COX6B2: variants seen among roughly 807,000 people sequenced by gnomAD.
COX6B2 encodes the protein COX VIb-2.
COX6B2 carries 12 observed loss-of-function variants against 13.7 expected under a neutral mutation model. The ratio of observed to expected loss-of-function variants is 0.87; its 90% CI spans 0.56 to 1.41. The LOEUF is 1.41. Ranked by LOEUF, COX6B2 falls within the 40% of genes most tolerant of loss-of-function variation. COX6B2 has a pLI of 0.00. For missense variants in COX6B2, 130 were observed against 118.3 expected (o/e 1.10, Z -0.46); for synonymous variants, 56 against 46.6 (o/e 1.20, Z -0.82).
At chr19:55,353,420 G>A (rs986086774) in intron 4 of COX6B2, 187 bp downstream of exon 4, 12 of 503,546 alleles carry the variant, frequency 2.4e-5, no homozygotes, top group Non-Finnish European at 3.2e-5. Flanking sequence ...GAAGGGGGAC[G>A]GGAGGCATTC....
At position 55,354,472 on chromosome 19, in the gene COX6B2, G is replaced by A. The variant is rs754296563; in HGVS notation, c.50C>T (p.Pro17Leu). Residue 17 changes from proline to leucine, a missense_variant, in exon 2 of 5, where the codon CCG becomes CTG. Physicochemically the swap from Pro to Leu is moderately conservative, Grantham distance 98 (BLOSUM62 -3). Coordinates refer to ENST00000326529, the MANE Select transcript of COX6B2 (RefSeq NM_144613.5). ...GCTGGGGAAGCGCGGGTCGAAGGGC[G>A]GCGTCGACCATTTCCCCTTGGGGGG... ...QEPPKGKWST[P>L]PFDPRFPSQN... 5 of 1,613,996 alleles carry A rather than the reference G, an allele frequency of 3.1e-6. No homozygotes were observed. The highest frequency in any genetic ancestry group is 2.2e-5 in the South Asian group (2 of 91,078).
At position 55,353,416 on chromosome 19, in the gene COX6B2, G is replaced by A. The variant is rs45488296; in HGVS notation, c.*114+191C>T. On this transcript the variant is annotated intron_variant, in intron 4 of 4. Transcript: ENST00000326529. ...CTGCTGGAATGGAGAGGGAGAAGGG[G>A]GACGGGAGGCATTCGGCTTCCTGTC... The A allele has an allele frequency of 1.1e-3, 567 of 498,136 alleles. 1 individual carries two copies. The highest frequency in any genetic ancestry group is 1.8e-3 in the Non-Finnish European group (484 of 275,822). 30.9% of individuals were successfully genotyped at this position (498,136 alleles called of 1,614,324 possible).
rs929297032 is a variant in COX6B2, at chr19:55,349,926, G to C, written c.*989C>G. ...GCAGATTGCCTGAGGTCAGGAGTTT[G>C]AGACCAGCCTGACCAACACGGAGAA... is the stretch of plus-strand genomic sequence containing the variant. On this transcript the variant is annotated 3_prime_UTR_variant, in exon 5 of 5. Transcript: ENST00000326529. 6.6e-6 allele frequency: 1 copy of C among 152,082 alleles called. No homozygotes were observed. The highest frequency in any genetic ancestry group is 2.4e-5 in the African/African-American group (1 of 41,394). 9.4% of individuals were successfully genotyped at this position (152,082 alleles called of 1,614,324 possible). A position where few individuals can be genotyped will look rare whatever the true frequency, so the allele number is the denominator to read the frequency against.
Position 55,352,313 on chromosome 19 carries a change from A to G in COX6B2, c.*114+1294T>C, listed in dbSNP as rs112022805. ...GTGGCGTCATCCTGGGGGATGGCTC[A>G]TCTAGGGTGTGTCCTGGGCAGCATG... On this transcript the variant is annotated intron_variant, in intron 4 of 4. Coordinates refer to ENST00000326529, the MANE Select transcript of COX6B2 (RefSeq NM_144613.5). This position sits in a 1 kb window ranked among gnomAD's most constrained non-coding sequence, Gnocchi z 6.2. 4.6e-5 allele frequency: 7 copies of G among 152,396 alleles called. No homozygotes were observed. Among genetic ancestry groups the G allele is most frequent in the African/African-American group, 1.4e-4 (6 of 41,540 alleles). The allele number at this position is 152,396 out of a possible 1,614,324, so 9.4% of individuals were successfully genotyped here.
chr19:55,353,475 A>T, intron 4 of COX6B2, 132 bp downstream of exon 4: 1 of 582,114 alleles, frequency 1.7e-6, no homozygotes, highest in Non-Finnish European at 3.1e-6. Flanking sequence ...TACCTGATGG[A>T]GCAGCAGTCC....
chr19:55,354,281 C>A, intron 2 of COX6B2, 129 bp downstream of exon 2: 1 of 838,070 alleles, frequency 1.2e-6, no homozygotes, highest in Non-Finnish European at 2.0e-6. Flanking sequence ...CCAGGCCCCG[C>A]CCCCACCAAC....
intron 2 of COX6B2, 31 bp downstream of exon 2, chr19:55,354,379 T>A: frequency 6.5e-7 from 1 of 1,531,912 alleles, no homozygotes; most frequent in East Asian, 2.3e-5. Context: ...CACACCCTGC[T>A]CCTCCCATAA....
At chr19:55,354,584 G>A in intron 1 of COX6B2, 45 bp from the exon 2 acceptor site, 1 of 1,240,968 alleles carries the variant, frequency 8.1e-7, no homozygotes, top group Non-Finnish European at 1.2e-6. Context: ...CCGAGGGGGC[G>A]CCCTCGCTCC....
chr19:55,354,529 G>C lies in COX6B2; in HGVS notation c.-8C>G, dbSNP rs199913551. The C allele has an allele frequency of 3.5e-4, 559 of 1,600,528 alleles. 8 individuals carry two copies. In the East Asian group the frequency reaches 0.012, roughly 35 times the overall value. On this transcript the variant is annotated 5_prime_UTR_variant, in exon 2 of 5. Coordinates refer to ENST00000326529, the MANE Select transcript of COX6B2 (RefSeq NM_144613.5). ...GGCTTCCACATCCAACATCCACGAAGGAGGCAACTCCTGCGAGACGGGACG... is the reference window on the plus strand; with the variant it reads ...GGCTTCCACATCCAACATCCACGAACGAGGCAACTCCTGCGAGACGGGACG...
chr19:55,353,523 G>T, intron 4 of COX6B2, 84 bp downstream of exon 4: 1 of 621,092 alleles, frequency 1.6e-6, no homozygotes, highest in South Asian at 2.0e-5. Context: ...GCGTTAGCCC[G>T]GACACAGGCA....
chr19:55,351,285 G>A (rs993061931), intron 4 of COX6B2, among the ~76,000 whole-genome samples: 1 of 152,218 alleles, frequency 6.6e-6, no homozygotes, highest in Non-Finnish European at 1.5e-5. Context: ...ACAGCGCAGA[G>A]GGGCTAGGGA....
Position 55,352,520 on chromosome 19 carries a change from T to G in COX6B2, c.*114+1087A>C, listed in dbSNP as rs2089676197. ...GGGTCACCCTGCAAGTTGTCATGAT[T>G]AGTTGTAGTCACCTTTGAACCCTGG... On this transcript the variant is annotated intron_variant, in intron 4 of 4. Transcript: ENST00000326529. The surrounding 1 kb of genome is among the most constrained non-coding windows in gnomAD (Gnocchi z 6.2). 1 of 152,076 alleles carries G rather than the reference T, an allele frequency of 6.6e-6. No individual in the cohort carries two copies. Among genetic ancestry groups the G allele is most frequent in the Non-Finnish European group, 1.5e-5 (1 of 67,972 alleles). The allele number at this position is 152,076 out of a possible 1,614,324, so 9.4% of individuals were successfully genotyped here.
In COX6B2 at chr19:55,351,420, G is replaced by A. The variant is rs374413772; in HGVS notation, c.*115-620C>T. 5.3e-5 allele frequency among the ~76,000 whole-genome samples: 8 copies of A among 152,220 alleles called. No homozygotes were observed. In the East Asian group the frequency reaches 5.8e-4, roughly 11 times the overall value. ...ACCCAGAGAGAGGAGGCGAAGCTGC[G>A]GCCCCTAGGAGCCAGGGGACAGTGA... On this transcript the variant is annotated intron_variant, in intron 4 of 4. Coordinates refer to ENST00000326529, the MANE Select transcript of COX6B2 (RefSeq NM_144613.5).
Position 55,350,362 on chromosome 19 carries a change from G to A in COX6B2, c.*553C>T, listed in dbSNP as rs965408115. The A allele has an allele frequency of 6.6e-6, 1 of 152,492 alleles. No homozygotes were observed. The highest frequency in any genetic ancestry group is 3.4e-3 in the Middle Eastern group (1 of 298). 9.4% of individuals were successfully genotyped at this position (152,492 alleles called of 1,614,324 possible). A position where few individuals can be genotyped will look rare whatever the true frequency, so the allele number is the denominator to read the frequency against. On this transcript the variant is annotated 3_prime_UTR_variant, in exon 5 of 5. Coordinates refer to ENST00000326529, the MANE Select transcript of COX6B2 (RefSeq NM_144613.5). The surrounding 1 kb of genome is among the most constrained non-coding windows in gnomAD (Gnocchi z 4.2). ...GCCTGATGTCCCCATGGCGGCCAAA[G>A]TCAGCTTCTGGCTTGAGCTGGGCAG...
intron 1 of COX6B2, 23 bp downstream of exon 1, chr19:55,354,627 A>C (rs1378036467): frequency 2.6e-6 from 2 of 783,078 alleles, no homozygotes; most frequent in Non-Finnish European, 4.2e-6. Flanking sequence ...CCCGCCCCTG[A>C]ACCCCACCCG....
At chr19:55,353,496 C>T (rs1017995233) in intron 4 of COX6B2, 111 bp downstream of exon 4, 2 of 598,626 alleles carry the variant, frequency 3.3e-6, no homozygotes, top group East Asian at 2.8e-5. Flanking sequence ...CCCACCTGCC[C>T]CTTATCGGAA....
intron 4 of COX6B2, among the ~76,000 whole-genome samples, chr19:55,351,469 C>T (rs529027459): frequency 4.6e-5 from 7 of 152,198 alleles, no homozygotes; most frequent in Middle Eastern, 3.4e-3. Flanking sequence ...CGCAGGTGGC[C>T]TTCAGGATCC....
intron 4 of COX6B2, chr19:55,353,235 G>A (rs569900682): frequency 4.4e-6 from 1 of 228,146 alleles, no homozygotes; most frequent in Non-Finnish European, 8.9e-6. Context: ...AGGAGCCTGG[G>A]GAGATGGTCC....
chr19:55,354,556 G>A lies in COX6B2; in HGVS notation c.-18-17C>T, dbSNP rs201511375. 24 of 1,504,948 alleles carry A rather than the reference G, an allele frequency of 1.6e-5. No individual in the cohort carries two copies. In the East Asian group the frequency reaches 2.0e-4, roughly 13 times the overall value. The allele number at this position is 1,504,948 out of a possible 1,614,324, so 93.2% of individuals were successfully genotyped here. A position where few individuals can be genotyped will look rare whatever the true frequency, so the allele number is the denominator to read the frequency against. ...AGGCAACTCCTGCGAGACGGGACGG[G>A]ACGGGGACTCCGTGGGGCCGAGGGG... On this transcript the variant is annotated splice_polypyrimidine_tract_variant and intron_variant, in intron 1 of 4. Transcript: ENST00000326529.
Sources: gnomAD v4.1 joint callset for allele counts (sites outside exome capture counted in the v4.1 genomes callset) on GRCh38, gnomAD v4.1.1 for gene constraint, Gnocchi (gnomAD v3.1) non-coding constraint, MANE v1.5 for transcripts, NCBI Gene and HGNC (gene_info 2026-07-23, HGNC 2026-07-21) for gene names.